The following FCRL5 variants were observed in gnomAD, a reference collection of about 807,000 sequenced individuals.
The protein encoded by FCRL5 is Fc receptor like 5.
In FCRL5, 79 loss-of-function variants were observed where a neutral mutation model predicts 92.1. The observed-to-expected ratio is 0.86, with a 90% confidence interval of 0.72 to 1.03. FCRL5 has a LOEUF of 1.03. FCRL5 is among the 50% of genes least tolerant of loss of function. The pLI, the probability that FCRL5 is intolerant of heterozygous loss-of-function variation, is 0.00. For missense variants in FCRL5, 1,160 were observed against 1,181.1 expected, an observed-to-expected ratio of 0.98 and a Z score of 0.26; for synonymous variants, 466 against 469.3, an observed-to-expected ratio of 0.99 and a Z score of 0.09.
intron 8 of FCRL5, chr1:157,533,329 T>A (rs1223619797): frequency 6.6e-6 from 1 of 152,244 alleles, no homozygotes; most frequent in Non-Finnish European, 1.5e-5. Flanking sequence ...TATTATAATT[T>A]TTGCCTTTAT....
At chr1:157,528,410 T>C (rs771300908) in intron 8 of FCRL5, 1 of 152,110 alleles carries the variant, frequency 6.6e-6, no homozygotes, top group Admixed American at 6.5e-5. Context: ...ATAACTTCAA[T>C]GCAATTCCCA....
Position 157,520,481 on chromosome 1 carries a change from C to A in FCRL5, c.2582G>T (p.Gly861Val). 1 of 1,575,336 alleles carries A rather than the reference C, an allele frequency of 6.3e-7. No individual in the cohort carries two copies. Among genetic ancestry groups the A allele is most frequent in the Non-Finnish European group, 8.6e-7 (1 of 1,160,116 alleles). Residue 861 changes from glycine (G) to valine (V), a missense_variant, in exon 12 of 17, where the codon GGC becomes GTC. Gly to Val is a moderately radical substitution (Grantham distance 109). Transcript: ENST00000361835. ...GVAGGLLSIA[G>V]LAAGALLLYC... ...GAGCAGCAGTGCCCCCGCAGCAAGG[C>A]CTGCTATGCTGAGCAGGCCCCCGGC... is the stretch of plus-strand genomic sequence containing the variant.
rs763421602 is a variant in FCRL5 at position 157,521,259 on chromosome 1, G to T, written c.2273C>A (p.Ala758Asp). Residue 758 changes from alanine (A) to aspartate (D), a missense_variant, in exon 11 of 17, where the codon GCT becomes GAT. Ala to Asp is a moderately radical substitution (Grantham distance 126). Transcript: ENST00000361835. ...CCCCACCGCAGCATGGGTCCCGGGA[G>T]CCCTGAGGGTGAGGACCGGGCGAGA... ...PVSRPVLTLR[A>D]PGTHAAVGDL... 8 of 1,613,720 alleles carry T rather than the reference G, an allele frequency of 5.0e-6. No homozygotes were observed. Among genetic ancestry groups the T allele is most frequent in the East Asian group, 2.2e-5 (1 of 44,874 alleles).
At chr1:157,543,199 T>C in intron 5 of FCRL5, 62 bp from the exon 6 acceptor site, 2 of 1,529,488 alleles carry the variant, frequency 1.3e-6, no homozygotes, top group Non-Finnish European at 1.8e-6. Context: ...TTACAAGGCA[T>C]GGCCAGTGCA....
In FCRL5 at chr1:157,524,322, A is replaced by T. The variant is rs1408467958; in HGVS notation, c.2196T>A (p.Gly732=). 1 of 1,614,274 alleles carries T rather than the reference A, an allele frequency of 6.2e-7. No homozygotes were observed. The highest frequency in any genetic ancestry group is 8.5e-7 in the Non-Finnish European group (1 of 1,180,050). Reference sequence around the variant, plus strand: ...CCATCTCACTGCGCTGGGCCTCCAGACCATTGTCTGCCTCACAGGAGTAGA... The same window carrying T: ...CCATCTCACTGCGCTGGGCCTCCAGTCCATTGTCTGCCTCACAGGAGTAGA... ...SGIYSCEADN[G]LEAQRSEMVT... is the part of the protein sequence containing the mutation. The change falls in exon 10 of 17, where the codon GGT becomes GGA. Residue 732 remains glycine, a synonymous_variant. Coordinates refer to ENST00000361835, the MANE Select transcript of FCRL5 (RefSeq NM_031281.3).
intron 1 of FCRL5, 82 bp downstream of exon 1, chr1:157,552,249 GC>G: frequency 7.3e-7 from 1 of 1,369,634 alleles, no homozygotes; most frequent in South Asian, 1.2e-5. Flanking sequence ...CAGGGGCTGA[GC>G]CCCAAGAAAG....
At chr1:157,534,523 A>G in intron 8 of FCRL5, 91 bp downstream of exon 8, 1 of 1,463,150 alleles carries the variant, frequency 6.8e-7, no homozygotes, top group Non-Finnish European at 9.6e-7. Context: ...TGATTAGGGG[A>G]GGAAACTGGA....
chr1:157,527,487 G>A, intron 9 of FCRL5, 130 bp downstream of exon 9: 1 of 871,886 alleles, frequency 1.1e-6, no homozygotes, highest in Non-Finnish European at 1.7e-6. Context: ...GATGGAGGCT[G>A]TGTAGGCACC....
intron 6 of FCRL5, 135 bp from the exon 7 acceptor site, chr1:157,539,499 C>T: frequency 1.3e-6 from 1 of 762,148 alleles, no homozygotes; most frequent in Non-Finnish European, 2.0e-6. Context: ...TTCAGGCAAA[C>T]CTGCTTTTTA....
chr1:157,527,210 G>A (rs969150834), intron 9 of FCRL5, among the ~76,000 whole-genome samples: 4 of 152,230 alleles, frequency 2.6e-5, no homozygotes, highest in Admixed American at 6.5e-5. Context: ...AGAAATGTGT[G>A]AGCCAATAAG....
intron 1 of FCRL5, among the ~76,000 whole-genome samples, chr1:157,550,772 A>G (rs1017575116): frequency 1.3e-5 from 2 of 152,248 alleles, no homozygotes; most frequent in Admixed American, 6.5e-5. Flanking sequence ...GAATAGAAGG[A>G]TAGAGATTTG....
intron 9 of FCRL5, among the ~76,000 whole-genome samples, chr1:157,524,871 A>G (rs1650360437): frequency 6.6e-6 from 1 of 152,214 alleles, no homozygotes; most frequent in Non-Finnish European, 1.5e-5. Flanking sequence ...AAAATGAAGA[A>G]CAGGAGAGAC....
intron 1 of FCRL5, among the ~76,000 whole-genome samples, chr1:157,549,924 A>G (rs989950519): frequency 1.3e-5 from 2 of 152,140 alleles, no homozygotes; most frequent in Non-Finnish European, 2.9e-5. Context: ...CAGAAGGGCC[A>G]CTAGCCCAGT....
intron 1 of FCRL5, among the ~76,000 whole-genome samples, chr1:157,550,010 G>A (rs1420060178): frequency 1.3e-5 from 2 of 152,008 alleles, no homozygotes; most frequent in Non-Finnish European, 2.9e-5. Context: ...GATCCTTGAA[G>A]GTACCTGAAG....
chr1:157,548,196 C>T (rs1286573569), intron 2 of FCRL5, among the ~76,000 whole-genome samples: 1 of 152,244 alleles, frequency 6.6e-6, no homozygotes, highest in African/African-American at 2.4e-5. Flanking sequence ...CACCCCTTCC[C>T]CCAGGGAGGG....
At chr1:157,551,311 A>G (rs1318900535) in intron 1 of FCRL5, among the ~76,000 whole-genome samples, 1 of 152,194 alleles carries the variant, frequency 6.6e-6, no homozygotes, top group Non-Finnish European at 1.5e-5. Flanking sequence ...GTGTGGGGCC[A>G]CACTGAGATG....
At chr1:157,534,282 T>A (rs1190448118) in intron 8 of FCRL5, 1 of 689,736 alleles carries the variant, frequency 1.4e-6, no homozygotes, top group Non-Finnish European at 2.7e-6. Context: ...TGCTTGTAGC[T>A]AAGTTAATAT....
chr1:157,550,752 A>G (rs954733005), intron 1 of FCRL5, among the ~76,000 whole-genome samples: 3 of 152,242 alleles, frequency 2.0e-5, no homozygotes, highest in Admixed American at 1.3e-4. Flanking sequence ...GAACTAGGTT[A>G]ATAATATAGG....
At chr1:157,523,323 C>T (rs1650281802) in intron 10 of FCRL5, among the ~76,000 whole-genome samples, 1 of 152,192 alleles carries the variant, frequency 6.6e-6, no homozygotes, top group South Asian at 2.1e-4. Context: ...CTTCTAGGAA[C>T]CTGTACGTCT....
Sources: allele counts gnomAD v4.1 joint callset (sites outside exome capture counted in the v4.1 genomes callset), GRCh38; gene constraint gnomAD v4.1.1; transcripts MANE v1.5; gene names NCBI Gene and HGNC (gene_info 2026-07-23, HGNC 2026-07-21).